Variants in ATP8A2 observed in about 807,000 individuals in gnomAD.
ATP8A2 encodes the protein phospholipid-transporting ATPase IB.
In ATP8A2, 100 loss-of-function variants were observed where a neutral mutation model predicts 165.6. The ratio of observed to expected loss-of-function variants is 0.60; its 90% CI spans 0.51 to 0.71. The LOEUF is 0.71. Ranked by LOEUF, ATP8A2 falls within the 30% of genes least tolerant of loss-of-function variation. The pLI is 0.00. For missense variants in ATP8A2, 1,227 were observed against 1,479.5 expected, an observed-to-expected ratio of 0.83 and a Z score of 2.80; for synonymous variants, 543 against 548.8, an observed-to-expected ratio of 0.99 and a Z score of 0.15.
At chr13:25,642,139 A>G (rs1380742055) in intron 24 of ATP8A2, among the ~76,000 whole-genome samples, 5 of 152,224 alleles carry the variant, frequency 3.3e-5, no homozygotes, top group South Asian at 2.1e-4. Flanking sequence ...ACCTAAAACC[A>G]TAAAAACCCT....
chr13:25,633,707 C>T (rs796620872), intron 24 of ATP8A2, among the ~76,000 whole-genome samples: 2 of 152,048 alleles, frequency 1.3e-5, no homozygotes, highest in South Asian at 2.1e-4. Flanking sequence ...TGGACGTGGT[C>T]GCTCACGCTT....
At chr13:25,458,483 G>A (rs1373133892) in intron 1 of ATP8A2, among the ~76,000 whole-genome samples, 12 of 152,142 alleles carry the variant, frequency 7.9e-5, no homozygotes, top group Non-Finnish European at 1.5e-4. Context: ...CTGAGTAGCC[G>A]GAATTTACAG....
intron 25 of ATP8A2, among the ~76,000 whole-genome samples, chr13:25,743,772 C>CT (rs1457632346): frequency 6.6e-6 from 1 of 152,202 alleles, no homozygotes; most frequent in Non-Finnish European, 1.5e-5. Flanking sequence ...TCCACTTCAC[C>CT]TGTTGCTGGG....
chr13:25,696,212 TA>T (rs1387441202), intron 24 of ATP8A2, among the ~76,000 whole-genome samples: 1 of 152,226 alleles, frequency 6.6e-6, no homozygotes, highest in Non-Finnish European at 1.5e-5. Flanking sequence ...TAATGTTCGG[TA>T]AACCATTCTA....
intron 25 of ATP8A2, among the ~76,000 whole-genome samples, chr13:25,751,921 T>C (rs556208223): frequency 2.1e-4 from 31 of 150,350 alleles, no homozygotes; most frequent in African/African-American, 6.1e-4. Flanking sequence ...ATCTAGTATG[T>C]GTCTAAAATT....
chr13:25,924,932 G>T (rs1205075129), intron 33 of ATP8A2, among the ~76,000 whole-genome samples: 1 of 152,132 alleles, frequency 6.6e-6, no homozygotes, highest in East Asian at 1.9e-4. Context: ...TTTGCCTTCT[G>T]CCATGATTGT....
chr13:25,660,735 C>T (rs1365056026), intron 24 of ATP8A2, among the ~76,000 whole-genome samples: 1 of 152,076 alleles, frequency 6.6e-6, no homozygotes, highest in Non-Finnish European at 1.5e-5. Flanking sequence ...TTAAACAATA[C>T]CTCTTTAAGA....
chr13:26,005,665 C>G (rs1346597065), intron 35 of ATP8A2, among the ~76,000 whole-genome samples: 1 of 151,868 alleles, frequency 6.6e-6, no homozygotes, highest in East Asian at 1.9e-4. Flanking sequence ...ATATTTATAT[C>G]TTTGATCCAT....
rs192918994 is a variant in ATP8A2 at position 25,662,972 on chromosome 13, G to C, written c.2212-36201G>C. On this transcript the variant is annotated intron_variant, in intron 24 of 36. Coordinates refer to ENST00000381655, the MANE Select transcript of ATP8A2 (RefSeq NM_016529.6). ...TCATCTGGAACTGAAATAGCAGAAA[G>C]GGAGCAGGAGATGGATATTTGATGG... Among the ~76,000 whole-genome samples the C allele has an allele frequency of 1.0e-3, 158 of 152,344 alleles. 1 individual carries two copies. The East Asian group carries it at 0.012, about 11-fold the overall frequency.
In ATP8A2 at chr13:25,915,177, CT is replaced by C. The variant is rs548179736; in HGVS notation, c.3184-46395del. Among the ~76,000 whole-genome samples the C allele has an allele frequency of 3.6e-4, 55 of 152,270 alleles. No homozygotes were observed. In the East Asian group the frequency reaches 0.01, roughly 28 times the overall value. ...CATGAAACATTTCTGTGAAATTCTT[CT>C]TTATAGAAATCATAGAATTTGTGTA... On this transcript the variant is annotated intron_variant, in intron 33 of 36. Coordinates refer to ENST00000381655, the MANE Select transcript of ATP8A2 (RefSeq NM_016529.6).
At chr13:25,828,262 A>G (rs1385986247) in intron 28 of ATP8A2, 70 bp downstream of exon 28, 6 of 1,241,336 alleles carry the variant, frequency 4.8e-6, no homozygotes, top group Admixed American at 1.7e-5. Flanking sequence ...TTCACTGTTT[A>G]TGTCTGGGAA....
intron 27 of ATP8A2, among the ~76,000 whole-genome samples, chr13:25,797,242 C>T (rs1470215908): frequency 1.3e-5 from 2 of 151,784 alleles, no homozygotes; most frequent in Non-Finnish European, 1.5e-5. Flanking sequence ...CACTCCAGCC[C>T]GGGTGACAAG....
chr13:25,566,368 C>T (rs1046516773), intron 16 of ATP8A2, among the ~76,000 whole-genome samples: 3 of 151,888 alleles, frequency 2.0e-5, no homozygotes, highest in African/African-American at 7.3e-5. Context: ...TCTGAAGAAT[C>T]GTCTCTGCAG....
Position 25,530,043 on chromosome 13 carries a change from A to C in ATP8A2, c.266A>C (p.Tyr89Ser). 2 of 1,613,204 alleles carry C rather than the reference A, an allele frequency of 1.2e-6. No homozygotes were observed. The highest frequency in any genetic ancestry group is 1.7e-6 in the Non-Finnish European group (2 of 1,179,374). The stretch of plus-strand genomic sequence containing the variant: ...TTGACATTTCTACCTCGATTCTTGT[A>C]TGAGCAGATTAGAAGAGCTGCTAAT... ...SVLTFLPRFL[Y>S]EQIRRAANAF... The change falls in exon 3 of 37, where the codon TAT becomes TCT. Residue 89 changes from tyrosine (Y) to serine (S), a missense_variant. By Grantham distance (144) the Tyr-to-Ser change is moderately radical. This residue lies in a region of ATP8A2 where 356 missense variants were observed against 394.9 expected (regional missense o/e 0.90). Coordinates refer to ENST00000381655, the MANE Select transcript of ATP8A2 (RefSeq NM_016529.6).
rs897123766 is a variant in ATP8A2 at position 25,879,259 on chromosome 13, A to G, written c.3183+16851A>G. Among the ~76,000 whole-genome samples the G allele has an allele frequency of 3.3e-5, 5 of 152,198 alleles. No homozygotes were observed. The South Asian group carries it at 1.0e-3, about 32-fold the overall frequency. Reference sequence around the variant, plus strand: ...CTGGGACAATATCTCCAGTGGTGTCACTAATTGAAGGTGGCTACTGAGAGG... The same window carrying G: ...CTGGGACAATATCTCCAGTGGTGTCGCTAATTGAAGGTGGCTACTGAGAGG... On this transcript the variant is annotated intron_variant, in intron 33 of 36. Coordinates refer to ENST00000381655, the MANE Select transcript of ATP8A2 (RefSeq NM_016529.6).
chr13:25,886,128 C>T (rs147794189), intron 33 of ATP8A2, among the ~76,000 whole-genome samples: 7 of 152,162 alleles, frequency 4.6e-5, no homozygotes, highest in Admixed American at 4.6e-4. Context: ...GTAGTTAGTT[C>T]TGAAATTGAC....
chr13:25,900,299 G>A (rs1953698749), intron 33 of ATP8A2, among the ~76,000 whole-genome samples: 1 of 152,142 alleles, frequency 6.6e-6, no homozygotes, highest in East Asian at 1.9e-4. Context: ...AAATGGCAGT[G>A]TTAGCATGAT....
At chr13:25,705,341 C>G (rs2043035085) in intron 25 of ATP8A2, 2 of 190,158 alleles carry the variant, frequency 1.1e-5, no homozygotes, top group South Asian at 1.7e-4. Context: ...ATCAGAGTCC[C>G]CAGCAAATAC....
intron 1 of ATP8A2, among the ~76,000 whole-genome samples, chr13:25,385,400 A>G (rs924664528): frequency 5.9e-5 from 9 of 152,240 alleles, no homozygotes; most frequent in African/African-American, 2.2e-4. Context: ...CCTCCTCTAT[A>G]AAATGTCAGT....
Sources: allele counts gnomAD v4.1 joint callset (sites outside exome capture counted in the v4.1 genomes callset), GRCh38; gene constraint gnomAD v4.1.1; regional missense constraint gnomAD v4.1.1; transcripts MANE v1.5; gene names NCBI Gene and HGNC (gene_info 2026-07-23, HGNC 2026-07-21).